ME3: variants seen among roughly 807,000 people sequenced by gnomAD.
The protein encoded by ME3 is NADP-dependent malic enzyme, mitochondrial.
In ME3, 48 loss-of-function variants were observed where a neutral mutation model predicts 68.9. That is an observed-to-expected ratio of 0.70 (90% CI 0.55 to 0.89). The LOEUF is 0.89. Ranked by LOEUF, ME3 falls within the 40% of genes least tolerant of loss-of-function variation. The probability of loss-of-function intolerance (pLI) is 0.00; values close to 1 mark genes in which losing one functional copy is unlikely to be tolerated. For missense variants in ME3, 675 were observed against 797.4 expected (o/e 0.85, Z 1.85); for synonymous variants, 320 against 318.8 (o/e 1.00, Z -0.04).
chr11:86,659,420 T>A (rs1361514276), intron 2 of ME3, among the ~76,000 whole-genome samples: 1 of 152,154 alleles, frequency 6.6e-6, no homozygotes, highest in East Asian at 1.9e-4. Context: ...ACCACTTACT[T>A]CCTGGACAGG....
At chr11:86,649,406 G>A (rs1945248738) in intron 2 of ME3, among the ~76,000 whole-genome samples, 1 of 152,166 alleles carries the variant, frequency 6.6e-6, no homozygotes, top group African/African-American at 2.4e-5. Flanking sequence ...ACTGGCACAA[G>A]ACAAGGATGC....
intron 2 of ME3, among the ~76,000 whole-genome samples, chr11:86,563,949 T>G (rs892047872): frequency 1.3e-5 from 2 of 152,172 alleles, no homozygotes; most frequent in African/African-American, 4.8e-5. Flanking sequence ...TGCTTCCACA[T>G]GGATTTTAGA....
intron 2 of ME3, among the ~76,000 whole-genome samples, chr11:86,637,349 C>CAAAAAAAAAAAAAAAAAGAAAAA (rs11402713): frequency 8.2e-6 from 1 of 122,080 alleles, no homozygotes. Context: ...ACAAGAAGCA[C>CAAAAAAAAAAAAAAAAAGAAAAA]AAAAAAAAAA....
chr11:86,493,544 G>C (rs768466042), intron 6 of ME3, among the ~76,000 whole-genome samples: 2 of 152,206 alleles, frequency 1.3e-5, no homozygotes, highest in African/African-American at 2.4e-5. Flanking sequence ...ATGGTACTCA[G>C]GCCCCTTCTA....
rs543460005 is a variant in ME3 at position 86,655,152 on chromosome 11, C to T, written c.183+16610G>A. Among the ~76,000 whole-genome samples the T allele has an allele frequency of 1.8e-3, 281 of 152,284 alleles. 4 individuals carry two copies. The highest frequency in any genetic ancestry group is 3.2e-3 in the Non-Finnish European group (220 of 68,028). ...GCTCATGGGCAGGAAGAATCAATAT[C>T]GTGAAAATGGCCACACTGTCCAAGG... On this transcript the variant is annotated intron_variant, in intron 2 of 14. Coordinates refer to ENST00000543262, the Ensembl canonical transcript of ME3.
At chr11:86,643,179 C>T (rs1944776823) in intron 2 of ME3, among the ~76,000 whole-genome samples, 1 of 152,100 alleles carries the variant, frequency 6.6e-6, no homozygotes, top group South Asian at 2.1e-4. Context: ...GACTAGTCTC[C>T]CAGACTCTGT....
At chr11:86,568,551 A>G (rs1035638511) in intron 2 of ME3, among the ~76,000 whole-genome samples, 6 of 152,210 alleles carry the variant, frequency 3.9e-5, no homozygotes, top group Non-Finnish European at 5.9e-5. Flanking sequence ...GCCATGCCCA[A>G]GTTACCAGGA....
At chr11:86,498,569 C>T (rs989307766) in intron 5 of ME3, among the ~76,000 whole-genome samples, 3 of 152,142 alleles carry the variant, frequency 2.0e-5, no homozygotes, top group South Asian at 4.1e-4. Flanking sequence ...AAGTGCTCTC[C>T]GACCTACTCC....
chr11:86,476,278 G>C (rs1052258552), intron 7 of ME3, among the ~76,000 whole-genome samples: 17 of 152,176 alleles, frequency 1.1e-4, no homozygotes, highest in African/African-American at 3.9e-4. Context: ...GACATTCAAG[G>C]CTGGGAAAAT....
At chr11:86,458,826 G>A (rs992108302) in intron 8 of ME3, among the ~76,000 whole-genome samples, 1 of 152,142 alleles carries the variant, frequency 6.6e-6, no homozygotes, top group Non-Finnish European at 1.5e-5. Flanking sequence ...GAGCTGCACG[G>A]TCTTCAGAGA....
At chr11:86,449,074 C>T (rs1017532220) in intron 10 of ME3, among the ~76,000 whole-genome samples, 6 of 152,172 alleles carry the variant, frequency 3.9e-5, no homozygotes, top group African/African-American at 1.2e-4. Flanking sequence ...AAATCTGGCC[C>T]CATATGGAAC....
At position 86,542,265 on chromosome 11, in the gene ME3, C is replaced by A. The variant is rs549500462; in HGVS notation, c.467+14288G>T. On this transcript the variant is annotated intron_variant, in intron 4 of 14. Transcript: ENST00000543262. ...CCTCTTCTGCTCCAAAGGATCACAA[C>A]TCCTTGCCAGCAAGGGAACAAAACT... 2.0e-5 allele frequency among the ~76,000 whole-genome samples: 3 copies of A among 152,318 alleles called. No homozygotes were observed. In the East Asian group the frequency reaches 5.8e-4, roughly 29 times the overall value.
chr11:86,599,533 T>C (rs1960208399), intron 2 of ME3, among the ~76,000 whole-genome samples: 1 of 152,222 alleles, frequency 6.6e-6, no homozygotes, highest in Non-Finnish European at 1.5e-5. Context: ...CTCTGCAGGT[T>C]ATTATCCAGG....
At chr11:86,604,111 T>TA (rs201906419) in intron 2 of ME3, among the ~76,000 whole-genome samples, 6,754 of 146,428 alleles carry the variant, frequency 0.046, 163 homozygotes, top group Non-Finnish European at 0.055. Flanking sequence ...AAAAAAAAGT[T>TA]AAAAAAAAAA....
chr11:86,548,711 A>G (rs1956500853), intron 4 of ME3, among the ~76,000 whole-genome samples: 2 of 152,150 alleles, frequency 1.3e-5, no homozygotes, highest in Non-Finnish European at 2.9e-5. Flanking sequence ...TGAGGGTTGG[A>G]AGGAGCCCTG....
intron 4 of ME3, among the ~76,000 whole-genome samples, chr11:86,540,067 G>C (rs1170796635): frequency 6.6e-6 from 1 of 152,154 alleles, no homozygotes; most frequent in Non-Finnish European, 1.5e-5. Flanking sequence ...TCTTTTCTGA[G>C]CTAGGGAATC....
chr11:86,460,624 A>G (rs965640480), intron 8 of ME3, among the ~76,000 whole-genome samples: 1 of 152,160 alleles, frequency 6.6e-6, no homozygotes, highest in African/African-American at 2.4e-5. Context: ...ATCTGTCTCC[A>G]GCTCCCACGT....
chr11:86,569,423 G>A (rs747684921), intron 2 of ME3, among the ~76,000 whole-genome samples: 1 of 151,986 alleles, frequency 6.6e-6, no homozygotes, highest in Non-Finnish European at 1.5e-5. Context: ...TCGACTACCT[G>A]CAACCTCCAG....
chr11:86,487,439 T>C (rs1283852616), exon 7 of ME3: 1 of 1,613,220 alleles, frequency 6.2e-7, no homozygotes, highest in African/African-American at 1.3e-5. Context: ...TCTGAGCAGC[T>C]CCTGGAACAG....
Sources: gnomAD v4.1 joint callset for allele counts (sites outside exome capture counted in the v4.1 genomes callset) on GRCh38, gnomAD v4.1.1 for gene constraint, MANE v1.5 for transcripts, NCBI Gene and HGNC (gene_info 2026-07-23, HGNC 2026-07-21) for gene names.